Variants in MGA observed in about 807,000 individuals in gnomAD.
MGA encodes MAX gene-associated protein.
A neutral mutation model predicts 261.1 loss-of-function variants in MGA; 40 were observed. That is an observed-to-expected ratio of 0.15 (90% CI 0.12 to 0.20). MGA has a LOEUF of 0.20. Among genes scored for constraint, MGA ranks in the 10% least tolerant of loss-of-function variants. The pLI, the probability that MGA is intolerant of heterozygous loss-of-function variation, is 1.00. For missense variants in MGA, 3,397 were observed against 3,630.5 expected (o/e 0.94, Z 1.65); for synonymous variants, 1,302 against 1,290.6 (o/e 1.01, Z -0.19).
chr15:41,642,093 G>A (rs766923492), intron 1 of MGA, among the ~76,000 whole-genome samples: 19 of 152,114 alleles, frequency 1.2e-4, no homozygotes, highest in East Asian at 1.9e-4. Flanking sequence ...GAGCCACTGC[G>A]CCAGGGCCTA....
At chr15:41,683,037 C>T (rs775458456) in intron 2 of MGA, among the ~76,000 whole-genome samples, 19 of 152,092 alleles carry the variant, frequency 1.2e-4, no homozygotes, top group Non-Finnish European at 2.5e-4. Flanking sequence ...GTTTCTGTAA[C>T]GAGTTCTTTG....
intron 15 of MGA, among the ~76,000 whole-genome samples, chr15:41,744,634 G>T (rs1236061170): frequency 6.6e-6 from 1 of 152,150 alleles, no homozygotes; most frequent in Admixed American, 6.5e-5. Flanking sequence ...ATCTCAAGGT[G>T]CATATCTGTT....
chr15:41,682,435 A>G (rs1361079365), intron 2 of MGA, among the ~76,000 whole-genome samples: 1 of 151,978 alleles, frequency 6.6e-6, no homozygotes, highest in Non-Finnish European at 1.5e-5. Flanking sequence ...CTTTGCTATC[A>G]TCCTGCTAAC....
At chr15:41,633,403 G>T (rs1246957450) in intron 1 of MGA, among the ~76,000 whole-genome samples, 1 of 149,720 alleles carries the variant, frequency 6.7e-6, no homozygotes, top group Non-Finnish European at 1.5e-5. Context: ...GCCCAGGCTG[G>T]AGTGCAGTGG....
chr15:41,752,554 T>G (rs930961617), intron 17 of MGA, among the ~76,000 whole-genome samples: 4 of 146,914 alleles, frequency 2.7e-5, no homozygotes, highest in Admixed American at 6.8e-5. Flanking sequence ...TTAAAGTTTT[T>G]TTTTTTTTTT....
intron 2 of MGA, among the ~76,000 whole-genome samples, chr15:41,686,156 A>G (rs566192421): frequency 3.3e-5 from 5 of 152,010 alleles, no homozygotes; most frequent in Admixed American, 2.0e-4. Context: ...CTTCTTTCCA[A>G]TCTTTATGCC....
Position 41,708,155 on chromosome 15 carries a change from A to G in MGA, c.2372A>G (p.Lys791Arg). Reference sequence around the variant, plus strand: ...ACAGGGAAAACCAATGATTTCACTAAGATCAAGGGATGGAGGGGAAAATTT... The same window carrying G: ...ACAGGGAAAACCAATGATTTCACTAGGATCAAGGGATGGAGGGGAAAATTT... Residue 791 changes from lysine (K) to arginine (R), a missense_variant, in exon 7 of 24, where the codon AAG (lysine) becomes AGG (arginine). Lys to Arg is a conservative substitution (Grantham distance 26). Transcript: ENST00000219905. 2 of 1,602,502 alleles carry G rather than the reference A, an allele frequency of 1.2e-6. No homozygotes were observed. The highest frequency in any genetic ancestry group is 1.7e-6 in the Non-Finnish European group (2 of 1,174,136).
At chr15:41,724,961 G>A (rs2061151167) in intron 9 of MGA, among the ~76,000 whole-genome samples, 1 of 152,158 alleles carries the variant, frequency 6.6e-6, no homozygotes, top group South Asian at 2.1e-4. Context: ...TCAGGTAGCA[G>A]CTTAGATTCT....
chr15:41,654,518 C>T, intron 1 of MGA, among the ~76,000 whole-genome samples: 1 of 152,160 alleles, frequency 6.6e-6, no homozygotes, highest in Non-Finnish European at 1.5e-5. Context: ...CTGCGTTGAT[C>T]ACCATAGCTC....
rs568100689 is a variant in MGA at position 41,749,317 on chromosome 15, A to T, written c.5710A>T (p.Ile1904Phe). ...TCAGGCTGGTACATTGACCCTGAGG[A>T]TTTCTCCTCCTGAACCACAAAGCTT... The change falls in exon 17 of 24, where the codon ATT becomes TTT. Residue 1904 changes from isoleucine to phenylalanine, a missense_variant. By Grantham distance (21) the Ile-to-Phe change is conservative. Transcript: ENST00000219905. The T allele has an allele frequency of 9.9e-6, 16 of 1,613,936 alleles. No individual in the cohort carries two copies. Among genetic ancestry groups the T allele is most frequent in the Non-Finnish European group, 1.2e-5 (14 of 1,179,870 alleles).
At chr15:41,709,555 C>T (rs925451434) in intron 7 of MGA, among the ~76,000 whole-genome samples, 1 of 151,904 alleles carries the variant, frequency 6.6e-6, no homozygotes, top group Non-Finnish European at 1.5e-5. Context: ...AGTGATTCTC[C>T]CTGCTCAGCC....
intron 18 of MGA, 117 bp from the exon 19 acceptor site, chr15:41,757,671 A>G: frequency 1.4e-6 from 1 of 694,010 alleles, no homozygotes; most frequent in South Asian, 2.3e-5. Flanking sequence ...GTGGCCATAT[A>G]TCACACCTTG....
At chr15:41,641,504 T>G (rs1807882145) in intron 1 of MGA, among the ~76,000 whole-genome samples, 1 of 150,764 alleles carries the variant, frequency 6.6e-6, no homozygotes, top group African/African-American at 2.4e-5. Flanking sequence ...TTTTTTTTTT[T>G]TTTTGAGAAG....
At chr15:41,693,442 AATG>A (rs976861389) in intron 2 of MGA, among the ~76,000 whole-genome samples, 3 of 151,690 alleles carry the variant, frequency 2.0e-5, no homozygotes, top group African/African-American at 7.3e-5. Flanking sequence ...GTTTACTGAG[AATG>A]ATGATGGAGG....
chr15:41,632,747 C>T (rs973536852), intron 1 of MGA, among the ~76,000 whole-genome samples: 1 of 150,262 alleles, frequency 6.7e-6, no homozygotes, highest in Non-Finnish European at 1.5e-5. Flanking sequence ...CTGGTGCCTC[C>T]TACCTGTAGG....
chr15:41,669,728 C>A lies in MGA; in HGVS notation c.834C>A (p.Asp278Glu), dbSNP rs776502219. 1.2e-6 allele frequency: 2 copies of A among 1,613,578 alleles called. No homozygotes were observed. Among genetic ancestry groups the A allele is most frequent in the Non-Finnish European group, 1.7e-6 (2 of 1,179,678 alleles). ...ATGGAAAACAAAAGAACAGCTCTGA[C>A]CAAGAAGGGAATAATATTTCCAGTT... Residue 278 changes from aspartate to glutamate, a missense_variant, in exon 2 of 24, where the codon GAC becomes GAA. This residue lies in a region of MGA where 563 missense variants were observed against 563.6 expected (regional missense o/e 1.00). Coordinates refer to ENST00000219905, the MANE Select transcript of MGA (RefSeq NM_001164273.2).
At chr15:41,740,675 TG>T (rs2062040413) in intron 14 of MGA, among the ~76,000 whole-genome samples, 1 of 152,248 alleles carries the variant, frequency 6.6e-6, no homozygotes, top group Admixed American at 6.5e-5. Flanking sequence ...GAACTCTTGC[TG>T]GTGCTATGTA....
chr15:41,746,000 T>C (rs1425364083), intron 15 of MGA, among the ~76,000 whole-genome samples: 1 of 152,216 alleles, frequency 6.6e-6, no homozygotes, highest in Non-Finnish European at 1.5e-5. Flanking sequence ...GTAATTTTTT[T>C]CTCTATTTAT....
At chr15:41,668,206 T>G (rs1295352044) in intron 1 of MGA, among the ~76,000 whole-genome samples, 9 of 152,080 alleles carry the variant, frequency 5.9e-5, no homozygotes, top group Admixed American at 5.9e-4. Flanking sequence ...AATAAAAAAA[T>G]TAAATATTAG....
Sources: allele counts gnomAD v4.1 joint callset (sites outside exome capture counted in the v4.1 genomes callset), GRCh38; gene constraint gnomAD v4.1.1; regional missense constraint gnomAD v4.1.1; transcripts MANE v1.5; gene names NCBI Gene and HGNC (gene_info 2026-07-23, HGNC 2026-07-21).